The following RERE variants were observed in gnomAD, a reference collection of about 807,000 sequenced individuals.
The protein encoded by RERE is arginine-glutamic acid dipeptide repeats protein.
A neutral mutation model predicts 146.1 loss-of-function variants in RERE; 40 were observed. The observed-to-expected ratio is 0.27, with a 90% CI of 0.21 to 0.36. The LOEUF (loss-of-function observed/expected upper bound fraction) is 0.36. Ranked by LOEUF, RERE falls within the 10% of genes least tolerant of loss-of-function variation. The probability of loss-of-function intolerance (pLI) is 1.00; values close to 1 mark genes in which losing one functional copy is unlikely to be tolerated. For missense variants in RERE, 1,933 were observed against 2,138.7 expected, an observed-to-expected ratio of 0.90 and a Z score of 1.90; for synonymous variants, 1,003 against 866.0, an observed-to-expected ratio of 1.16 and a Z score of -2.78.
At chr1:8,554,555 T>C (rs760713480) in intron 6 of RERE, among the ~76,000 whole-genome samples, 2 of 151,358 alleles carry the variant, frequency 1.3e-5, no homozygotes, top group Non-Finnish European at 2.9e-5. Flanking sequence ...GGTGTGGTGG[T>C]GCACACCTGT....
intron 6 of RERE, among the ~76,000 whole-genome samples, chr1:8,552,281 T>C (rs1645944593): frequency 6.6e-6 from 1 of 152,236 alleles, no homozygotes; most frequent in South Asian, 2.1e-4. Context: ...GCAAACCTTA[T>C]ACATCAGTTT....
chr1:8,433,733 T>TG (rs749292466), intron 11 of RERE, among the ~76,000 whole-genome samples: 15 of 151,652 alleles, frequency 9.9e-5, no homozygotes, highest in Non-Finnish European at 1.9e-4. Context: ...GCTAATTTTT[T>TG]GTATTTTTAG....
intron 11 of RERE, among the ~76,000 whole-genome samples, chr1:8,460,317 C>A (rs969580624): frequency 1.2e-4 from 18 of 152,182 alleles, no homozygotes; most frequent in Non-Finnish European, 2.2e-4. Context: ...GGGAAAGACA[C>A]CCTGCAAATA....
intron 1 of RERE, among the ~76,000 whole-genome samples, chr1:8,674,499 C>T (rs533559478): frequency 6.6e-6 from 1 of 152,272 alleles, no homozygotes; most frequent in African/African-American, 2.4e-5. Flanking sequence ...CCATTTCTTC[C>T]GCAAGCCAGC....
chr1:8,743,199 C>T (rs1371869006), intron 1 of RERE, among the ~76,000 whole-genome samples: 1 of 151,976 alleles, frequency 6.6e-6, no homozygotes, highest in African/African-American at 2.4e-5. Flanking sequence ...AGTTTGAGAC[C>T]AACCTGGGCA....
chr1:8,406,265 G>T (rs1208271712), intron 12 of RERE, among the ~76,000 whole-genome samples: 2 of 151,922 alleles, frequency 1.3e-5, no homozygotes, highest in Admixed American at 6.6e-5. Flanking sequence ...TAGAGACAGG[G>T]TCTCACGATG....
chr1:8,675,494 A>C (rs1415060030), intron 1 of RERE, among the ~76,000 whole-genome samples: 1 of 55,930 alleles, frequency 1.8e-5, no homozygotes, highest in African/African-American at 9.0e-5. Flanking sequence ...CCCCATCTCT[A>C]CAAAAAAAAA....
intron 7 of RERE, among the ~76,000 whole-genome samples, chr1:8,522,270 T>A (rs530500953): frequency 6.6e-6 from 1 of 152,366 alleles, no homozygotes; most frequent in Admixed American, 6.5e-5. Context: ...TAGCTATTAT[T>A]TTCTACCTTC....
intron 10 of RERE, among the ~76,000 whole-genome samples, chr1:8,485,551 A>C (rs534470941): frequency 6.6e-5 from 10 of 152,266 alleles, no homozygotes; most frequent in African/African-American, 2.4e-4. Flanking sequence ...AGAAGTTGTA[A>C]AGAGATGTAC....
At chr1:8,771,770 C>A (rs1640955850) in intron 1 of RERE, among the ~76,000 whole-genome samples, 1 of 151,352 alleles carries the variant, frequency 6.6e-6, no homozygotes, top group Non-Finnish European at 1.5e-5. Context: ...ATTAGCCAGG[C>A]GCGGTGGCGG....
intron 1 of RERE, among the ~76,000 whole-genome samples, chr1:8,745,257 G>A (rs1379079221): frequency 6.6e-6 from 1 of 152,080 alleles, no homozygotes; most frequent in Admixed American, 6.5e-5. Flanking sequence ...TCACTCGCTC[G>A]TGCCACCTTG....
At chr1:8,672,971 G>A (rs1033833956) in intron 1 of RERE, among the ~76,000 whole-genome samples, 2 of 152,110 alleles carry the variant, frequency 1.3e-5, no homozygotes, top group African/African-American at 2.4e-5. Context: ...AATTAGAATC[G>A]GAGGACAGAA....
At chr1:8,460,937 T>G (rs887130266) in intron 11 of RERE, among the ~76,000 whole-genome samples, 1 of 152,054 alleles carries the variant, frequency 6.6e-6, no homozygotes, top group South Asian at 2.1e-4. Flanking sequence ...TCAATTAGCA[T>G]CCCCAGTATT....
chr1:8,595,911 A>G (rs780157018), intron 4 of RERE, among the ~76,000 whole-genome samples: 6 of 152,256 alleles, frequency 3.9e-5, no homozygotes, highest in Non-Finnish European at 7.3e-5. Flanking sequence ...CAATGAAGAA[A>G]GCAAGTAAGT....
intron 1 of RERE, among the ~76,000 whole-genome samples, chr1:8,691,521 A>G (rs1639206719): frequency 6.6e-6 from 1 of 152,226 alleles, no homozygotes; most frequent in Non-Finnish European, 1.5e-5. Flanking sequence ...TCAAACATAG[A>G]TCTAGGGCTC....
intron 1 of RERE, among the ~76,000 whole-genome samples, chr1:8,656,776 A>G (rs1171248228): frequency 6.6e-6 from 1 of 152,204 alleles, no homozygotes; most frequent in African/African-American, 2.4e-5. Context: ...AAGGAGCTTC[A>G]TAACTCATAA....
chr1:8,788,525 C>A (rs1357484089), intron 1 of RERE, among the ~76,000 whole-genome samples: 1 of 151,996 alleles, frequency 6.6e-6, no homozygotes, highest in Admixed American at 6.6e-5. Flanking sequence ...CCACCACACC[C>A]AGCTAATTTC....
chr1:8,359,612 A>G, intron 19 of RERE, 152 bp downstream of exon 19: 6 of 852,352 alleles, frequency 7.0e-6, no homozygotes, highest in Non-Finnish European at 1.1e-5. Flanking sequence ...CACCCGTCAG[A>G]GGTGTGGAGA....
At chr1:8,688,704 A>G (rs1028381045) in intron 1 of RERE, among the ~76,000 whole-genome samples, 2 of 152,218 alleles carry the variant, frequency 1.3e-5, no homozygotes, top group Non-Finnish European at 2.9e-5. Context: ...CAAAACATCT[A>G]TCTGTCTGTC....
Sources: gnomAD v4.1 joint callset for allele counts (sites outside exome capture counted in the v4.1 genomes callset) on GRCh38, gnomAD v4.1.1 for gene constraint, MANE v1.5 for transcripts, NCBI Gene and HGNC (gene_info 2026-07-23, HGNC 2026-07-21) for gene names.